Variants in CYTIP observed in about 807,000 individuals in gnomAD.
The protein encoded by CYTIP is cytohesin-interacting protein.
CYTIP carries 26 observed loss-of-function variants against 43.8 expected under a neutral mutation model. The ratio of observed to expected loss-of-function variants is 0.59; its 90% CI spans 0.44 to 0.82. CYTIP has a LOEUF of 0.82. Ranked by LOEUF, CYTIP falls within the 40% of genes least tolerant of loss-of-function variation. CYTIP has a pLI of 0.00. For missense variants in CYTIP, 426 were observed against 443.1 expected (o/e 0.96, Z 0.35); for synonymous variants, 162 against 162.9 (o/e 0.99, Z 0.04).
chr2:157,415,737 T>C lies in CYTIP; in HGVS notation c.1020A>G (p.Gln340=). 3 of 1,614,042 alleles carry C rather than the reference T, an allele frequency of 1.9e-6. No homozygotes were observed. The highest frequency in any genetic ancestry group is 1.6e-4 in the Middle Eastern group (1 of 6,062). The change falls in exon 8 of 8, where the codon CAA becomes CAG. Residue 340 remains glutamine, a synonymous_variant. Transcript: ENST00000264192. ...RKSRKGSVRK[Q]LLKFIPGLHR... Reference sequence around the variant, plus strand: ...GAAGGCCAGGGATAAATTTCAAGAGTTGCTTTCGGACACTTCCCTTTCTGC... The same window carrying C: ...GAAGGCCAGGGATAAATTTCAAGAGCTGCTTTCGGACACTTCCCTTTCTGC...
At chr2:157,428,032 C>T (rs1685641564) in intron 5 of CYTIP, among the ~76,000 whole-genome samples, 1 of 152,244 alleles carries the variant, frequency 6.6e-6, no homozygotes, top group African/African-American at 2.4e-5. Flanking sequence ...GATTCTTTAT[C>T]TCAAAACATT....
intron 6 of CYTIP, among the ~76,000 whole-genome samples, chr2:157,424,696 T>C (rs137905855): frequency 5.9e-5 from 9 of 152,056 alleles, no homozygotes; most frequent in African/African-American, 1.9e-4. Flanking sequence ...TCTCCAAAAA[T>C]AGATAAATAA....
chr2:157,416,125 G>T lies in CYTIP; in HGVS notation c.632C>A (p.Pro211His), dbSNP rs374851359. 8.7e-6 allele frequency: 14 copies of T among 1,610,608 alleles called. No homozygotes were observed. The Admixed American group carries it at 1.0e-4, about 12-fold the overall frequency. The change falls in exon 8 of 8, where the codon CCC becomes CAC. Residue 211 changes from proline to histidine, a missense_variant. Transcript: ENST00000264192. ...ATCCAAGTCCATGTTTTCCAAACTG[G>T]GGCAATTAGCTGCATCACCTAGAGC... ...RLLHGDAANC[P>H]SLENMDLDEL... is the part of the protein sequence containing the mutation.
chr2:157,429,321 T>TA (rs1191899710), intron 5 of CYTIP, among the ~76,000 whole-genome samples: 77 of 152,356 alleles, frequency 5.1e-4, no homozygotes, highest in African/African-American at 1.9e-3. Context: ...GGAGTTCATT[T>TA]GACCATCCTT....
chr2:157,414,924 A>G lies in CYTIP; in HGVS notation c.*753T>C, dbSNP rs1160439569. 7 of 152,214 alleles carry G rather than the reference A, an allele frequency of 4.6e-5. No individual in the cohort carries two copies. The highest frequency in any genetic ancestry group is 1.0e-4 in the Non-Finnish European group (7 of 68,042). 9.4% of individuals were successfully genotyped at this position (152,214 alleles called of 1,614,324 possible). A position where few individuals can be genotyped will look rare whatever the true frequency, so the allele number is the denominator to read the frequency against. ...AGACATTTGTAGAAAAAAAATTACA[A>G]AGCTGTAGGATTCGGAGAGTTCTAG... is the stretch of plus-strand genomic sequence containing the variant. On this transcript the variant is annotated 3_prime_UTR_variant, in exon 8 of 8. Transcript: ENST00000264192.
rs765528015 is a variant in CYTIP at position 157,416,119 on chromosome 2, A to G, written c.638T>C (p.Leu213Ser). 6.2e-7 allele frequency: 1 copy of G among 1,611,650 alleles called. No individual in the cohort carries two copies. The highest frequency in any genetic ancestry group is 1.1e-5 in the South Asian group (1 of 90,782). Residue 213 changes from leucine to serine, a missense_variant, in exon 8 of 8, where the codon TTG (leucine) becomes TCG (serine). Leu to Ser is a moderately radical substitution (Grantham distance 145). Transcript: ENST00000264192. ...LHGDAANCPS[L>S]ENMDLDELSL... ...CAATTCATCCAAGTCCATGTTTTCCAAACTGGGGCAATTAGCTGCATCACC... is the reference window on the plus strand; with the variant it reads ...CAATTCATCCAAGTCCATGTTTTCCGAACTGGGGCAATTAGCTGCATCACC...
intron 3 of CYTIP, 175 bp downstream of exon 3, chr2:157,434,195 T>C (rs1250890329): frequency 1.5e-6 from 1 of 648,266 alleles, no homozygotes; most frequent in African/African-American, 1.8e-5. Flanking sequence ...CAATGTTTTC[T>C]TTCCTTAATA....
chr2:157,418,648 A>C, intron 6 of CYTIP, 59 bp from the exon 7 acceptor site: 2 of 1,459,950 alleles, frequency 1.4e-6, no homozygotes, highest in Non-Finnish European at 1.8e-6. Flanking sequence ...CAGTGAAGCT[A>C]GCAATTTAAT....
In CYTIP at chr2:157,430,870, G is replaced by A; in HGVS notation, c.372C>T (p.Gly124=). ...AAAAATTTAAGTTACCAGCTTGCAG[G>A]CCAGCACAGTGAGCTGGGCTGTCCT... ...IQEDSPAHCA[G]LQAGDVLANI... The change falls in exon 4 of 8, where the codon GGC becomes GGT. Residue 124 remains glycine (G), a synonymous_variant. Transcript: ENST00000264192. The A allele has an allele frequency of 6.2e-7, 1 of 1,608,534 alleles. No homozygotes were observed. Among genetic ancestry groups the A allele is most frequent in the Non-Finnish European group, 8.5e-7 (1 of 1,178,374 alleles).
intron 1 of CYTIP, among the ~76,000 whole-genome samples, chr2:157,436,746 G>A (rs1159258718): frequency 6.6e-6 from 1 of 152,048 alleles, no homozygotes; most frequent in African/African-American, 2.4e-5. Context: ...GAATAGAATG[G>A]AAACTTAAAA....
chr2:157,429,480 C>T (rs1262240302), intron 5 of CYTIP, among the ~76,000 whole-genome samples: 3 of 152,186 alleles, frequency 2.0e-5, no homozygotes, highest in African/African-American at 4.8e-5. Context: ...CTGAAATATA[C>T]ACATTACTTA....
chr2:157,436,168 C>G (rs1685804763), intron 1 of CYTIP, among the ~76,000 whole-genome samples: 1 of 152,174 alleles, frequency 6.6e-6, no homozygotes, highest in African/African-American at 2.4e-5. Flanking sequence ...CAAAAAGATT[C>G]TCTAGTCTTG....
At chr2:157,418,435 T>A in intron 7 of CYTIP, 88 bp downstream of exon 7, 2 of 1,343,930 alleles carry the variant, frequency 1.5e-6, no homozygotes, top group Non-Finnish European at 2.1e-6. Flanking sequence ...ATTTTTCTTA[T>A]AATGATGATA....
At chr2:157,422,272 G>A (rs1685533022) in intron 6 of CYTIP, among the ~76,000 whole-genome samples, 1 of 152,184 alleles carries the variant, frequency 6.6e-6, no homozygotes, top group Non-Finnish European at 1.5e-5. Flanking sequence ...CCATGCAAGA[G>A]AAGTAGGCAA....
At chr2:157,430,700 T>A in intron 4 of CYTIP, 48 bp from the exon 5 acceptor site, 1 of 1,560,342 alleles carries the variant, frequency 6.4e-7, no homozygotes, top group African/African-American at 1.4e-5. Flanking sequence ...AGTTAAATAA[T>A]CCCTCCTGAC....
At chr2:157,441,047 C>T (rs1685900962) in intron 1 of CYTIP, among the ~76,000 whole-genome samples, 1 of 150,744 alleles carries the variant, frequency 6.6e-6, no homozygotes, top group African/African-American at 2.5e-5. Context: ...AGAAATCTAT[C>T]TTTAAATAAT....
chr2:157,418,597 A>T lies in CYTIP; in HGVS notation c.547-8T>A. 5 of 1,329,696 alleles carry T rather than the reference A, an allele frequency of 3.8e-6. No individual in the cohort carries two copies. Among genetic ancestry groups the T allele is most frequent in the Non-Finnish European group, 5.0e-6 (5 of 1,004,870 alleles). 82.4% of individuals were successfully genotyped at this position (1,329,696 alleles called of 1,614,324 possible). On this transcript the variant is annotated splice_polypyrimidine_tract_variant and splice_region_variant and intron_variant, in intron 6 of 7. Transcript: ENST00000264192. ...TTTTTGTTTCAAAGTTTGCTGTGAG[A>T]TTAAAAAAAAAAAAAAAAAGTTTTT...
At chr2:157,423,497 C>G (rs1223076235) in intron 6 of CYTIP, among the ~76,000 whole-genome samples, 1 of 126,166 alleles carries the variant, frequency 7.9e-6, no homozygotes, top group Non-Finnish European at 1.8e-5. Flanking sequence ...AGTAGTCTCA[C>G]AACTAATAAA....
chr2:157,434,891 A>ACG, intron 1 of CYTIP, 144 bp from the exon 2 acceptor site: 1 of 426,648 alleles, frequency 2.3e-6, no homozygotes. Flanking sequence ...ACACACACAC[A>ACG]CACACACAAC....
Sources: gnomAD v4.1 joint callset for allele counts (sites outside exome capture counted in the v4.1 genomes callset) on GRCh38, gnomAD v4.1.1 for gene constraint, MANE v1.5 for transcripts, NCBI Gene and HGNC (gene_info 2026-07-23, HGNC 2026-07-21) for gene names.